Variants in RFC3 observed in about 807,000 individuals in gnomAD.
RFC3 encodes A1 38 kDa subunit.
In RFC3, 41 loss-of-function variants were observed where a neutral mutation model predicts 45.1. The observed-to-expected ratio is 0.91, with a 90% confidence interval of 0.71 to 1.18. The LOEUF is 1.18. RFC3 is among the 50% of genes most tolerant of loss of function. RFC3 has a pLI of 0.00. For synonymous variants in RFC3, 149 were observed against 144.0 expected, an observed-to-expected ratio of 1.03 and a Z score of -0.25; for missense variants, 423 against 428.1, an observed-to-expected ratio of 0.99 and a Z score of 0.10.
intron 8 of RFC3, chr13:33,846,234 T>C (rs2082235804): frequency 6.6e-6 from 1 of 152,218 alleles, no homozygotes; most frequent in Non-Finnish European, 1.5e-5. Context: ...CCAGAACATC[T>C]CTGAGTCTCA....
chr13:33,833,891 G>T (rs1426034161), intron 7 of RFC3, among the ~76,000 whole-genome samples: 2 of 152,024 alleles, frequency 1.3e-5, no homozygotes, highest in African/African-American at 4.8e-5. Flanking sequence ...CATCATTGTT[G>T]TGGGGAATTA....
chr13:33,932,062 A>G (rs1367693263), intron 8 of RFC3, among the ~76,000 whole-genome samples: 1 of 152,110 alleles, frequency 6.6e-6, no homozygotes. Flanking sequence ...AATGCTTACT[A>G]TGTTCCAAGC....
intron 8 of RFC3, among the ~76,000 whole-genome samples, chr13:33,842,704 C>T (rs2082208753): frequency 1.3e-5 from 2 of 152,142 alleles, no homozygotes; most frequent in South Asian, 4.1e-4. Flanking sequence ...GGCAGAAAGC[C>T]AGAATGATGG....
At chr13:33,820,364 C>T (rs1312061334) in intron 1 of RFC3, among the ~76,000 whole-genome samples, 1 of 152,264 alleles carries the variant, frequency 6.6e-6, no homozygotes, top group African/African-American at 2.4e-5. Context: ...GGAATTAATG[C>T]TCTTTCTTTT....
chr13:33,821,116 T>C lies in RFC3; in HGVS notation c.88-16T>C. On this transcript the variant is annotated splice_polypyrimidine_tract_variant and intron_variant, in intron 1 of 8. Coordinates refer to ENST00000380071, the MANE Select transcript of RFC3 (RefSeq NM_002915.4). ...TCAGTTTGACTAGGGAAAAATGCCTTGTTCTTTTTTTTCAGGTGCAGTGTG... is the reference window on the plus strand; with the variant it reads ...TCAGTTTGACTAGGGAAAAATGCCTCGTTCTTTTTTTTCAGGTGCAGTGTG... 1 of 1,613,070 alleles carries C rather than the reference T, an allele frequency of 6.2e-7. No homozygotes were observed. The highest frequency in any genetic ancestry group is 1.3e-5 in the African/African-American group (1 of 74,996).
intron 8 of RFC3, among the ~76,000 whole-genome samples, chr13:33,927,379 T>C (rs1231903205): frequency 2.6e-5 from 4 of 152,092 alleles, no homozygotes; most frequent in Admixed American, 2.6e-4. Context: ...ATTCATTGGT[T>C]CTGGTGATGT....
intron 2 of RFC3, among the ~76,000 whole-genome samples, chr13:33,822,718 G>C (rs1403347784): frequency 6.6e-6 from 1 of 152,078 alleles, no homozygotes; most frequent in African/African-American, 2.4e-5. Context: ...ATAAATTCCA[G>C]ATGAATTAAA....
chr13:33,921,187 G>A (rs1331035678), intron 8 of RFC3, among the ~76,000 whole-genome samples: 2 of 152,160 alleles, frequency 1.3e-5, no homozygotes, highest in Non-Finnish European at 1.5e-5. Flanking sequence ...GAATTCAGGA[G>A]TGAATGTGGC....
chr13:33,855,664 C>A (rs1339677535), intron 8 of RFC3, among the ~76,000 whole-genome samples: 1 of 152,084 alleles, frequency 6.6e-6, no homozygotes, highest in Non-Finnish European at 1.5e-5. Context: ...TTAACAATAG[C>A]CATTTTGAGT....
rs1593603758 is a variant in RFC3, at chr13:33,821,330, A to G, written c.225+61A>G. 10 of 1,520,274 alleles carry G rather than the reference A, an allele frequency of 6.6e-6. No individual in the cohort carries two copies. In the East Asian group the frequency reaches 1.8e-4, roughly 27 times the overall value. 94.2% of individuals were successfully genotyped at this position (1,520,274 alleles called of 1,614,324 possible). On this transcript the variant is annotated intron_variant, in intron 2 of 8. Coordinates refer to ENST00000380071, the MANE Select transcript of RFC3 (RefSeq NM_002915.4). The stretch of plus-strand genomic sequence containing the variant: ...ATAGCGGGGACTTTCAGTCTTGGTC[A>G]TGTATGTCCCCCCAACTCAGTTGCT...
intron 3 of RFC3, among the ~76,000 whole-genome samples, chr13:33,824,653 G>A (rs1202454762): frequency 6.6e-6 from 1 of 152,094 alleles, no homozygotes; most frequent in East Asian, 1.9e-4. Flanking sequence ...AGAGGCAAGA[G>A]TGAACATCCA....
At chr13:33,823,163 G>A (rs1238599783) in intron 2 of RFC3, among the ~76,000 whole-genome samples, 1 of 152,068 alleles carries the variant, frequency 6.6e-6, no homozygotes, top group African/African-American at 2.4e-5. Context: ...GGAATGTTGG[G>A]GAAGAGTGTT....
At chr13:33,922,948 A>G (rs916684092) in intron 8 of RFC3, among the ~76,000 whole-genome samples, 1 of 152,176 alleles carries the variant, frequency 6.6e-6, no homozygotes, top group African/African-American at 2.4e-5. Context: ...GCTGGCATAC[A>G]GTAAGTGTTC....
intron 8 of RFC3, among the ~76,000 whole-genome samples, chr13:33,866,248 G>T (rs938771966): frequency 1.3e-5 from 2 of 152,168 alleles, no homozygotes; most frequent in Non-Finnish European, 2.9e-5. Flanking sequence ...TGGTCCAGGG[G>T]TTTTTTCTGT....
intron 8 of RFC3, among the ~76,000 whole-genome samples, chr13:33,942,671 T>C (rs940629658): frequency 1.3e-5 from 2 of 152,218 alleles, no homozygotes; most frequent in African/African-American, 4.8e-5. Flanking sequence ...AGAATAAATA[T>C]CAGCACCATT....
At chr13:33,965,477 G>A (rs144598292) in intron 8 of RFC3, among the ~76,000 whole-genome samples, 1 of 152,114 alleles carries the variant, frequency 6.6e-6, no homozygotes, top group African/African-American at 2.4e-5. Context: ...GTAGCTTTGT[G>A]TAAGTACACC....
Position 33,825,919 on chromosome 13 carries a change from T to C in RFC3, c.391+33T>C, listed in dbSNP as rs917063028. The C allele has an allele frequency of 2.2e-6, 3 of 1,374,468 alleles. No homozygotes were observed. The African/African-American group carries it at 4.3e-5, about 20-fold the overall frequency. The allele number at this position is 1,374,468 out of a possible 1,614,324, so 85.1% of individuals were successfully genotyped here. On this transcript the variant is annotated intron_variant, in intron 4 of 8. Transcript: ENST00000380071. Reference sequence around the variant, plus strand: ...ATCAAAAGACTTCTTTTTATGAAGCTGCCAAGCATTAGTGCTCTCTCTTTT... The same window carrying C: ...ATCAAAAGACTTCTTTTTATGAAGCCGCCAAGCATTAGTGCTCTCTCTTTT...
At chr13:33,893,374 C>G (rs1389709714) in intron 8 of RFC3, among the ~76,000 whole-genome samples, 1 of 151,998 alleles carries the variant, frequency 6.6e-6, no homozygotes, top group Non-Finnish European at 1.5e-5. Flanking sequence ...AAGAATCTCT[C>G]AGAAAATATA....
In RFC3 at chr13:33,836,412, G is replaced by C. The variant is rs556832657; in HGVS notation, c.*117G>C. On this transcript the variant is annotated 3_prime_UTR_variant, in exon 9 of 9. Coordinates refer to ENST00000380071, the MANE Select transcript of RFC3 (RefSeq NM_002915.4). ...ATCATGTCGTATTTGCGTTTTTTTG[G>C]TAATAACTTCTCTGTGAACTATTAA... 1.7e-5 allele frequency: 26 copies of C among 1,489,764 alleles called. No individual in the cohort carries two copies. Among genetic ancestry groups the C allele is most frequent in the Non-Finnish European group, 1.4e-5 (16 of 1,124,486 alleles). The allele number at this position is 1,489,764 out of a possible 1,614,324, so 92.3% of individuals were successfully genotyped here.
Sources: gnomAD v4.1 joint callset for allele counts (sites outside exome capture counted in the v4.1 genomes callset) on GRCh38, gnomAD v4.1.1 for gene constraint, MANE v1.5 for transcripts, NCBI Gene and HGNC (gene_info 2026-07-23, HGNC 2026-07-21) for gene names.